SPECC1L: variants seen among roughly 807,000 people sequenced by gnomAD.
The protein encoded by SPECC1L is sperm antigen with calponin homology and coiled-coil domains 1 like.
A neutral mutation model predicts 116.8 loss-of-function variants in SPECC1L; 40 were observed. That is an observed-to-expected ratio of 0.34 (90% CI 0.27 to 0.45). The LOEUF is 0.45. Ranked by LOEUF, SPECC1L falls within the 20% of genes least tolerant of loss-of-function variation. The pLI is 1.00. For missense variants in SPECC1L, 1,110 were observed against 1,373.6 expected, an observed-to-expected ratio of 0.81 and a Z score of 3.03; for synonymous variants, 504 against 500.6, an observed-to-expected ratio of 1.01 and a Z score of -0.09.
intron 4 of SPECC1L, among the ~76,000 whole-genome samples, chr22:24,319,460 G>A (rs1056603353): frequency 6.6e-6 from 1 of 152,192 alleles, no homozygotes; most frequent in Non-Finnish European, 1.5e-5. Flanking sequence ...TAGGGATTAT[G>A]GGAACTACAG....
intron 14 of SPECC1L, among the ~76,000 whole-genome samples, chr22:24,397,168 C>A (rs1376252243): frequency 2.0e-5 from 3 of 152,106 alleles, no homozygotes; most frequent in Non-Finnish European, 4.4e-5. Context: ...AGTTGTTTTG[C>A]CATTTTCCCT....
intron 3 of SPECC1L, among the ~76,000 whole-genome samples, chr22:24,303,987 T>G (rs2049439059): frequency 6.6e-6 from 1 of 151,566 alleles, no homozygotes; most frequent in Non-Finnish European, 1.5e-5. Context: ...AGTCATTAAA[T>G]GGAGATTAAA....
chr22:24,324,451 C>A (rs1265033470), intron 6 of SPECC1L, 24 bp downstream of exon 6: 8 of 1,586,370 alleles, frequency 5.0e-6, no homozygotes, highest in Non-Finnish European at 6.9e-6. Context: ...ACTTTTCATT[C>A]TTTTTTGTCC....
At chr22:24,335,641 G>C (rs1216586911) in intron 9 of SPECC1L, among the ~76,000 whole-genome samples, 1 of 152,174 alleles carries the variant, frequency 6.6e-6, no homozygotes, top group Non-Finnish European at 1.5e-5. Context: ...TCTGTATTCT[G>C]TGATTATACA....
At chr22:24,352,688 A>G (rs947321135) in intron 11 of SPECC1L, among the ~76,000 whole-genome samples, 1 of 152,214 alleles carries the variant, frequency 6.6e-6, no homozygotes, top group Non-Finnish European at 1.5e-5. Flanking sequence ...GCCTTAGGCC[A>G]TGAAAGTCCC....
At chr22:24,361,794 C>T (rs2041649675) in intron 11 of SPECC1L, among the ~76,000 whole-genome samples, 1 of 150,878 alleles carries the variant, frequency 6.6e-6, no homozygotes, top group Non-Finnish European at 1.5e-5. Flanking sequence ...AAATCCTGTT[C>T]CCCCCTCTCC....
intron 14 of SPECC1L, among the ~76,000 whole-genome samples, chr22:24,404,980 C>G (rs192164656): frequency 1.2e-3 from 189 of 152,298 alleles, no homozygotes; most frequent in African/African-American, 4.1e-3. Context: ...CATGGAGGTT[C>G]CCCATTACTG....
intron 8 of SPECC1L, among the ~76,000 whole-genome samples, chr22:24,333,971 A>G (rs16986443): frequency 0.04 from 6,073 of 151,868 alleles, 406 homozygotes; most frequent in African/African-American, 0.14. Flanking sequence ...GTAATTTACT[A>G]AGCTCAACTG....
intron 14 of SPECC1L, among the ~76,000 whole-genome samples, chr22:24,402,084 C>T (rs2042487947): frequency 6.7e-6 from 1 of 149,740 alleles, no homozygotes; most frequent in Admixed American, 6.7e-5. Flanking sequence ...AAGACTCTCC[C>T]TGAAAATGTA....
At chr22:24,295,749 G>A (rs1489245422) in intron 2 of SPECC1L, among the ~76,000 whole-genome samples, 1 of 152,140 alleles carries the variant, frequency 6.6e-6, no homozygotes, top group Non-Finnish European at 1.5e-5. Flanking sequence ...AGGAGTTCAA[G>A]ACCAGCCTGG....
intron 10 of SPECC1L, among the ~76,000 whole-genome samples, chr22:24,341,656 C>T (rs975260806): frequency 1.3e-5 from 2 of 152,208 alleles, no homozygotes; most frequent in Non-Finnish European, 2.9e-5. Flanking sequence ...TAATTTGCTC[C>T]TGTTGAGTGT....
chr22:24,368,804 G>C (rs995158269), intron 13 of SPECC1L, among the ~76,000 whole-genome samples: 14 of 152,096 alleles, frequency 9.2e-5, no homozygotes, highest in Non-Finnish European at 1.5e-4. Context: ...CCGCCACCAT[G>C]CCCAGCTAAT....
intron 2 of SPECC1L, among the ~76,000 whole-genome samples, chr22:24,298,675 A>C (rs549927721): frequency 2.0e-5 from 3 of 152,206 alleles, no homozygotes; most frequent in Admixed American, 6.5e-5. Flanking sequence ...AGTTTGAGTC[A>C]GACGGCAAGC....
intron 14 of SPECC1L, among the ~76,000 whole-genome samples, chr22:24,372,699 C>T (rs2041895182): frequency 6.6e-6 from 1 of 151,408 alleles, no homozygotes; most frequent in Non-Finnish European, 1.5e-5. Context: ...GAAGCGTTCC[C>T]TTTGAAAACT....
intron 14 of SPECC1L, 54 bp downstream of exon 14, chr22:24,369,374 A>G: frequency 7.8e-7 from 1 of 1,289,558 alleles, no homozygotes; most frequent in South Asian, 1.2e-5. Context: ...CAACTGCTGG[A>G]GTGTCGTAGC....
chr22:24,326,870 T>A (rs1473349827), intron 6 of SPECC1L, among the ~76,000 whole-genome samples: 1 of 152,194 alleles, frequency 6.6e-6, no homozygotes, highest in Non-Finnish European at 1.5e-5. Flanking sequence ...TTATTTCTGA[T>A]CCAGCTTTAG....
intron 1 of SPECC1L, among the ~76,000 whole-genome samples, chr22:24,271,804 G>C (rs894633888): frequency 9.2e-5 from 14 of 152,196 alleles, no homozygotes; most frequent in African/African-American, 3.4e-4. Context: ...AGAAGGGCGA[G>C]GAAAAGATTC....
chr22:24,346,674 A>G (rs1413134146), intron 10 of SPECC1L, among the ~76,000 whole-genome samples: 1 of 152,112 alleles, frequency 6.6e-6, no homozygotes, highest in Non-Finnish European at 1.5e-5. Flanking sequence ...CCCAGGAAGG[A>G]TCCTTATGGT....
intron 2 of SPECC1L, among the ~76,000 whole-genome samples, chr22:24,295,941 T>C (rs1256532953): frequency 2.0e-5 from 3 of 152,138 alleles, no homozygotes; most frequent in Non-Finnish European, 4.4e-5. Flanking sequence ...AGAGCAAGAC[T>C]TCATCTCAAA....
Sources: allele counts gnomAD v4.1 joint callset (sites outside exome capture counted in the v4.1 genomes callset), GRCh38; gene constraint gnomAD v4.1.1; transcripts MANE v1.5; gene names NCBI Gene and HGNC (gene_info 2026-07-23, HGNC 2026-07-21).